The following SNAP23 variants were observed in gnomAD, a reference collection of about 807,000 sequenced individuals.
SNAP23 encodes the protein synaptosomal-associated protein 23.
A neutral mutation model predicts 29.0 loss-of-function variants in SNAP23; 11 were observed. The ratio of observed to expected loss-of-function variants is 0.38; its 90% CI spans 0.24 to 0.63. The LOEUF is 0.63. Ranked by LOEUF, SNAP23 falls within the 20% of genes least tolerant of loss-of-function variation. The pLI is 0.58. For missense variants in SNAP23, 220 were observed against 253.9 expected, an observed-to-expected ratio of 0.87 and a Z score of 0.91; for synonymous variants, 60 against 82.9, an observed-to-expected ratio of 0.72 and a Z score of 1.50.
intron 3 of SNAP23, 98 bp downstream of exon 3, chr15:42,513,094 TG>T: frequency 1.1e-6 from 1 of 906,764 alleles, no homozygotes; most frequent in Non-Finnish European, 1.8e-6. Flanking sequence ...TGTATCAATA[TG>T]CTTTATTATT....
At chr15:42,492,635 G>A (rs1186911576), upstream of SNAP23, 1 of 123,702 alleles carries the variant, frequency 8.1e-6, no homozygotes, top group Non-Finnish European at 1.5e-5. Context: ...CCGAGACCTC[G>A]CCCCTGCACT....
At chr15:42,522,555 T>G (rs1292957804) in intron 5 of SNAP23, among the ~76,000 whole-genome samples, 1 of 152,026 alleles carries the variant, frequency 6.6e-6, no homozygotes, top group Non-Finnish European at 1.5e-5. Flanking sequence ...CTTTTCTTAG[T>G]TTGACTATCC....
At position 42,520,711 on chromosome 15, in the gene SNAP23, G is replaced by A. The variant is rs537180349; in HGVS notation, c.266+5357G>A. Reference sequence around the variant, plus strand: ...GGGTTTCACCGTGTTAGCCAGGATGGTCTCGATCTCCTGACCTCGTGATCC... The same window carrying A: ...GGGTTTCACCGTGTTAGCCAGGATGATCTCGATCTCCTGACCTCGTGATCC... On this transcript the variant is annotated intron_variant, in intron 5 of 7. Coordinates refer to ENST00000249647, the MANE Select transcript of SNAP23 (RefSeq NM_003825.4). Among the ~76,000 whole-genome samples, 15 of 152,090 alleles carry A rather than the reference G, an allele frequency of 9.9e-5. No individual in the cohort carries two copies. In the South Asian group the frequency reaches 1.5e-3, roughly 15 times the overall value.
intron 5 of SNAP23, chr15:42,522,011 A>T: frequency 5.3e-6 from 1 of 187,526 alleles, no homozygotes; most frequent in Non-Finnish European, 1.1e-5. Flanking sequence ...AGTTCTGATA[A>T]AAGGTAAGGG....
intron 2 of SNAP23, chr15:42,512,374 CTTTT>C (rs5812224): frequency 4.1e-5 from 4 of 96,488 alleles, no homozygotes; most frequent in South Asian, 3.5e-4. Context: ...GATCAACTTA[CTTTT>C]TTTTTTTTTT....
In SNAP23 at chr15:42,531,804, G is replaced by GA. The variant is rs201881933; in HGVS notation, c.*328dup. The GA allele has an allele frequency of 0.015, 2,976 of 193,734 alleles. 44 individuals carry two copies. Among genetic ancestry groups the GA allele is most frequent in the Non-Finnish European group, 0.02 (1,889 of 95,592 alleles). 12.0% of individuals were successfully genotyped at this position (193,734 alleles called of 1,614,324 possible). On this transcript the variant is annotated 3_prime_UTR_variant, in exon 8 of 8. Coordinates refer to ENST00000249647, the MANE Select transcript of SNAP23 (RefSeq NM_003825.4). The stretch of plus-strand genomic sequence containing the variant: ...TGGAAGCATTGCCAAAGACAGCCAT[G>GA]AAGAAGGAAGCTGTAGAGGTGTTTT...
At chr15:42,508,953 GC>G (rs1490081248) in intron 1 of SNAP23, among the ~76,000 whole-genome samples, 2 of 152,048 alleles carry the variant, frequency 1.3e-5, no homozygotes, top group Admixed American at 1.3e-4. Context: ...TCTCTGTCGG[GC>G]ATTGAGGAGT....
chr15:42,516,455 C>T (rs1305591233), intron 5 of SNAP23, among the ~76,000 whole-genome samples: 3 of 152,134 alleles, frequency 2.0e-5, no homozygotes, highest in Non-Finnish European at 2.9e-5. Context: ...CTCAGCCTCC[C>T]GAGTAGCTGG....
intron 7 of SNAP23, 21 bp downstream of exon 7, chr15:42,529,840 C>G (rs758214413): frequency 1.3e-5 from 21 of 1,608,804 alleles, no homozygotes; most frequent in Non-Finnish European, 1.4e-5. Context: ...TTTATTGCCA[C>G]AAGAAAATGA....
intron 6 of SNAP23, among the ~76,000 whole-genome samples, chr15:42,529,383 G>A (rs1205885491): frequency 6.6e-6 from 1 of 152,160 alleles, no homozygotes; most frequent in East Asian, 1.9e-4. Flanking sequence ...AATGGAGTGT[G>A]AGAATTAGCA....
chr15:42,530,501 T>C (rs1219200265), intron 7 of SNAP23, among the ~76,000 whole-genome samples: 1 of 152,328 alleles, frequency 6.6e-6, no homozygotes, highest in Middle Eastern at 3.4e-3. Flanking sequence ...AGCTCACACC[T>C]GTAATCTCAA....
intron 1 of SNAP23, among the ~76,000 whole-genome samples, chr15:42,500,349 G>T (rs562606720): frequency 6.6e-6 from 1 of 151,036 alleles, no homozygotes; most frequent in South Asian, 2.1e-4. Context: ...TCTGTAGGTT[G>T]ACAGACGGGC....
intron 1 of SNAP23, chr15:42,505,377 A>G (rs1213398370): frequency 6.6e-6 from 1 of 150,946 alleles, no homozygotes; most frequent in Non-Finnish European, 1.5e-5. Flanking sequence ...ATGGTGATTT[A>G]AAGTGCTCTT....
At chr15:42,509,225 TA>T in intron 1 of SNAP23, among the ~76,000 whole-genome samples, 1 of 152,270 alleles carries the variant, frequency 6.6e-6, no homozygotes, top group East Asian at 1.9e-4. Context: ...GTATGTATGA[TA>T]AAGCTTAAGA....
chr15:42,513,412 G>T lies in SNAP23; in HGVS notation c.113G>T (p.Gly38Val). 6.2e-7 allele frequency: 1 copy of T among 1,613,766 alleles called. No homozygotes were observed. The highest frequency in any genetic ancestry group is 8.5e-7 in the Non-Finnish European group (1 of 1,179,752). ...CCCTTGTCTTAGTCTCAGGATGCAG[G>T]AATCAAGACCATCACTATGCTGGAT... is the stretch of plus-strand genomic sequence containing the variant. ...LGLAIESQDA[G>V]IKTITMLDEQ... Residue 38 changes from glycine (G) to valine (V), a missense_variant, in exon 4 of 8, where the codon GGA becomes GTA. Physicochemically the swap from Gly to Val is moderately radical, Grantham distance 109. Transcript: ENST00000249647.
chr15:42,510,259 C>CCCAA (rs2057349801), intron 1 of SNAP23, among the ~76,000 whole-genome samples: 1 of 152,046 alleles, frequency 6.6e-6, no homozygotes, highest in Admixed American at 6.6e-5. Context: ...CCCCAACCTC[C>CCCAA]CCGGTAGCTG....
intron 7 of SNAP23, among the ~76,000 whole-genome samples, chr15:42,530,793 A>C (rs1255692726): frequency 2.0e-5 from 3 of 152,210 alleles, no homozygotes; most frequent in African/African-American, 7.2e-5. Flanking sequence ...TTAAAATCTC[A>C]GTGAACTTTA....
Position 42,526,257 on chromosome 15 carries a change from A to G in SNAP23, c.267-2005A>G, listed in dbSNP as rs1374056555. 2.6e-5 allele frequency among the ~76,000 whole-genome samples: 4 copies of G among 152,232 alleles called. No individual in the cohort carries two copies. The East Asian group carries it at 5.8e-4, about 22-fold the overall frequency. On this transcript the variant is annotated intron_variant, in intron 5 of 7. Transcript: ENST00000249647. Reference sequence around the variant, plus strand: ...CCTGGGACCTTTCTTATTATTAACAAAGAATACATGTGAATATTTATTTTA... The same window carrying G: ...CCTGGGACCTTTCTTATTATTAACAGAGAATACATGTGAATATTTATTTTA...
chr15:42,495,611 AGGCGCGCGGGCTC>A (rs1156485221), upstream of SNAP23: 2 of 152,342 alleles, frequency 1.3e-5, no homozygotes, highest in Admixed American at 6.5e-5. Context: ...GGAAGTGAGC[AGGCGCGCGGGCTC>A]GGCGCGCGCA....
Sources: gnomAD v4.1 joint callset for allele counts (sites outside exome capture counted in the v4.1 genomes callset) on GRCh38, gnomAD v4.1.1 for gene constraint, MANE v1.5 for transcripts, NCBI Gene and HGNC (gene_info 2026-07-23, HGNC 2026-07-21) for gene names.